PLCB4: variants seen among roughly 807,000 people sequenced by gnomAD.
PLCB4 encodes 1-phosphatidylinositol 4,5-bisphosphate phosphodiesterase beta-4.
In PLCB4, 77 loss-of-function variants were observed where a neutral mutation model predicts 178.8. That is an observed-to-expected ratio of 0.43 (90% confidence interval 0.36 to 0.52). The LOEUF (loss-of-function observed/expected upper bound fraction) is 0.52. Among genes scored for constraint, PLCB4 ranks in the 20% least tolerant of loss-of-function variants. The probability of loss-of-function intolerance (pLI) is 0.00; values close to 1 mark genes in which losing one functional copy is unlikely to be tolerated. For synonymous variants in PLCB4, 496 were observed against 490.8 expected (o/e 1.01, Z -0.14); for missense variants, 1,024 against 1,453.4 (o/e 0.70, Z 4.80).
At chr20:9,207,524 A>G (rs2093627585) in intron 2 of PLCB4, among the ~76,000 whole-genome samples, 1 of 152,230 alleles carries the variant, frequency 6.6e-6, no homozygotes, top group African/African-American at 2.4e-5. Context: ...ACCTATTACT[A>G]TTATACAACT....
In PLCB4 at chr20:9,081,768, C is replaced by CAAAAAAAAA. The variant is rs10629831; in HGVS notation, c.-135+12569_-135+12577dup. On this transcript the variant is annotated intron_variant, in intron 1 of 39. Transcript: ENST00000378473. Reference sequence around the variant, plus strand: ...TTAGGAAAACAATCTGATGATTAAGCAAAAAAAAAAAAAAAGCCAAAGTTT... The same window carrying CAAAAAAAAA: ...TTAGGAAAACAATCTGATGATTAAGCAAAAAAAAAAAAAAAAAAAAAAAAGCCAAAGTTT... Among the ~76,000 whole-genome samples the CAAAAAAAAA allele has an allele frequency of 1.1e-3, 98 of 90,430 alleles. 5 individuals are homozygous for CAAAAAAAAA. The highest frequency in any genetic ancestry group is 3.8e-3 in the African/African-American group (85 of 22,562). 59.3% of individuals were successfully genotyped at this position (90,430 alleles called of 152,430 possible). A position where few individuals can be genotyped will look rare whatever the true frequency, so the allele number is the denominator to read the frequency against.
rs1008688354 is a variant in PLCB4 at position 9,280,387 on chromosome 20, G to T, written c.-15-27413G>T. The T allele has an allele frequency of 1.9e-5, 16 of 864,272 alleles. No individual in the cohort carries two copies. In the Admixed American group the frequency reaches 9.3e-4, roughly 50 times the overall value. The allele number at this position is 864,272 out of a possible 1,614,324, so 53.5% of individuals were successfully genotyped here. ...ATTTCCAAGTTGGGAAGAGAAGGCA[G>T]GAAGACCTATCAAAGGACAAAGATA... On this transcript the variant is annotated intron_variant, in intron 3 of 39. Coordinates refer to ENST00000378473, the MANE Select transcript of PLCB4 (RefSeq NM_001377142.1).
intron 29 of PLCB4, 130 bp downstream of exon 29, chr20:9,435,778 T>C (rs2041728479): frequency 1.8e-6 from 1 of 564,084 alleles, no homozygotes; most frequent in Non-Finnish European, 3.2e-6. Flanking sequence ...GCTCATCAAT[T>C]CAACAATAGT....
At chr20:9,176,033 C>T (rs995460109) in intron 2 of PLCB4, among the ~76,000 whole-genome samples, 1 of 152,130 alleles carries the variant, frequency 6.6e-6, no homozygotes, top group African/African-American at 2.4e-5. Flanking sequence ...AACCCCTTGG[C>T]CCCAGGCAAC....
At chr20:9,426,248 A>G (rs186598856) in intron 28 of PLCB4, among the ~76,000 whole-genome samples, 12 of 152,322 alleles carry the variant, frequency 7.9e-5, no homozygotes, top group Non-Finnish European at 1.3e-4. Context: ...GGTTTATTCT[A>G]TAAAAAGTTA....
At chr20:9,243,394 A>T (rs925197249) in intron 3 of PLCB4, among the ~76,000 whole-genome samples, 1 of 152,224 alleles carries the variant, frequency 6.6e-6, no homozygotes, top group Non-Finnish European at 1.5e-5. Flanking sequence ...CTTCCTGCCA[A>T]TAAATGACTT....
intron 33 of PLCB4, among the ~76,000 whole-genome samples, chr20:9,455,984 T>C (rs1182809432): frequency 6.6e-6 from 1 of 152,162 alleles, no homozygotes; most frequent in African/African-American, 2.4e-5. Flanking sequence ...TACAGGTACA[T>C]GCTGCCATGC....
chr20:9,178,885 G>A lies in PLCB4; in HGVS notation c.-78-38505G>A, dbSNP rs189540953. Among the ~76,000 whole-genome samples, 350 of 152,130 alleles carry A rather than the reference G, an allele frequency of 2.3e-3. 2 individuals carry two copies. The highest frequency in any genetic ancestry group is 8.1e-3 in the African/African-American group (338 of 41,502). On this transcript the variant is annotated intron_variant, in intron 2 of 39. Transcript: ENST00000378473. ...AAAAAAGGCATTATAAAACATAAAT[G>A]TTAAGTGTGAACTTGCTTATTTTTA... is the stretch of plus-strand genomic sequence containing the variant.
At chr20:9,321,274 G>A (rs988698486) in intron 4 of PLCB4, among the ~76,000 whole-genome samples, 1 of 152,200 alleles carries the variant, frequency 6.6e-6, no homozygotes, top group African/African-American at 2.4e-5. Context: ...CATGTAGTAC[G>A]TGATGGAGCT....
intron 7 of PLCB4, among the ~76,000 whole-genome samples, chr20:9,353,967 A>T (rs1477665171): frequency 6.6e-6 from 1 of 152,208 alleles, no homozygotes; most frequent in Non-Finnish European, 1.5e-5. Flanking sequence ...GAGTTATCCC[A>T]AGAAGCCCAG....
intron 2 of PLCB4, among the ~76,000 whole-genome samples, chr20:9,134,454 T>C (rs2092341502): frequency 6.6e-6 from 1 of 152,208 alleles, no homozygotes; most frequent in Admixed American, 6.5e-5. Context: ...TAACCCCATT[T>C]TTTTTAATAT....
chr20:9,453,450 T>C lies in PLCB4; in HGVS notation c.2984T>C (p.Met995Thr). ...CATGAGAAAATCCTAGAGAAGGCAA[T>C]GAAGAAGAAGGGGTAATACTGTTTA... Reference protein sequence around the residue: ...STHEKILEKAMKKKGGSNCLE... With the variant: ...STHEKILEKATKKKGGSNCLE... The change falls in exon 33 of 40, where the codon ATG (methionine) becomes ACG (threonine). Residue 995 changes from methionine to threonine, a missense_variant. Met to Thr is a moderately conservative substitution (Grantham distance 81, BLOSUM62 -1). This residue lies in a region of PLCB4 where 264 missense variants were observed against 283.2 expected (regional missense o/e 0.93). Coordinates refer to ENST00000378473, the MANE Select transcript of PLCB4 (RefSeq NM_001377142.1). 2 of 1,578,980 alleles carry C rather than the reference T, an allele frequency of 1.3e-6. No homozygotes were observed. The highest frequency in any genetic ancestry group is 1.7e-6 in the Non-Finnish European group (2 of 1,149,428).
intron 3 of PLCB4, among the ~76,000 whole-genome samples, chr20:9,267,357 G>A (rs1205979753): frequency 6.6e-6 from 1 of 151,978 alleles, no homozygotes; most frequent in East Asian, 1.9e-4. Flanking sequence ...TATGATTTGG[G>A]GAATCAAGAA....
At chr20:9,176,212 T>G (rs1444057632) in intron 2 of PLCB4, among the ~76,000 whole-genome samples, 1 of 152,206 alleles carries the variant, frequency 6.6e-6, no homozygotes, top group African/African-American at 2.4e-5. Context: ...CTGAGTAATA[T>G]TCAATTGTGT....
At chr20:9,476,528 C>CT (rs1251220344) in intron 38 of PLCB4, among the ~76,000 whole-genome samples, 189 bp from the exon 39 acceptor site, 1 of 152,106 alleles carries the variant, frequency 6.6e-6, no homozygotes, top group East Asian at 1.9e-4. Flanking sequence ...TGTTTCGTTT[C>CT]TTTTTTTTCT....
chr20:9,271,753 G>A (rs1201352953), intron 3 of PLCB4, among the ~76,000 whole-genome samples: 1 of 152,046 alleles, frequency 6.6e-6, no homozygotes, highest in Non-Finnish European at 1.5e-5. Flanking sequence ...AGCAAATGTA[G>A]TAGAATTCTT....
chr20:9,404,937 G>A (rs958362772), intron 20 of PLCB4, among the ~76,000 whole-genome samples: 2 of 152,168 alleles, frequency 1.3e-5, no homozygotes, highest in Non-Finnish European at 2.9e-5. Context: ...ATGAATTGGG[G>A]ACAGTATGGG....
Position 9,457,405 on chromosome 20 carries a change from C to T in PLCB4, c.2997-9C>T, listed in dbSNP as rs1183394846. On this transcript the variant is annotated splice_polypyrimidine_tract_variant and intron_variant, in intron 33 of 39. Coordinates refer to ENST00000378473, the MANE Select transcript of PLCB4 (RefSeq NM_001377142.1). ...TTTCTGGCATGCATTTGCAACTTTCCATTTTCAGGGGAAGTAATTGTCTCG... is the reference window on the plus strand; with the variant it reads ...TTTCTGGCATGCATTTGCAACTTTCTATTTTCAGGGGAAGTAATTGTCTCG... 2 of 1,420,184 alleles carry T rather than the reference C, an allele frequency of 1.4e-6. No homozygotes were observed. Among genetic ancestry groups the T allele is most frequent in the Admixed American group, 1.7e-5 (1 of 59,744 alleles). The allele number at this position is 1,420,184 out of a possible 1,614,324, so 88.0% of individuals were successfully genotyped here. A position where few individuals can be genotyped will look rare whatever the true frequency, so the allele number is the denominator to read the frequency against.
chr20:9,234,750 G>A (rs1291133773), intron 3 of PLCB4, among the ~76,000 whole-genome samples: 2 of 152,078 alleles, frequency 1.3e-5, no homozygotes, highest in African/African-American at 4.8e-5. Context: ...ATGTTGGATT[G>A]GGGGTAATTT....
Sources: gnomAD v4.1 joint callset for allele counts (sites outside exome capture counted in the v4.1 genomes callset) on GRCh38, gnomAD v4.1.1 for gene constraint, gnomAD v4.1.1 regional missense constraint, MANE v1.5 for transcripts, NCBI Gene and HGNC (gene_info 2026-07-23, HGNC 2026-07-21) for gene names.